Variants in CNOT6L observed in about 807,000 individuals in gnomAD.
CNOT6L encodes the protein CCR4-NOT transcription complex subunit 6-like.
Under a neutral mutation model 64.0 loss-of-function variants are expected in CNOT6L, and 7 were observed. That is an observed-to-expected ratio of 0.11 (90% CI 0.06 to 0.21). CNOT6L has a LOEUF of 0.21. Ranked by LOEUF, CNOT6L falls within the 10% of genes least tolerant of loss-of-function variation. The probability of loss-of-function intolerance (pLI) is 1.00; values close to 1 mark genes in which losing one functional copy is unlikely to be tolerated. For synonymous variants in CNOT6L, 193 were observed against 243.4 expected (o/e 0.79, Z 1.93); for missense variants, 245 against 669.0 (o/e 0.37, Z 6.99).
intron 11 of CNOT6L, among the ~76,000 whole-genome samples, chr4:77,723,485 T>G (rs1322102449): frequency 6.6e-6 from 1 of 152,176 alleles, no homozygotes; most frequent in East Asian, 1.9e-4. Context: ...CTGATTGCTT[T>G]CAATACTGGG....
intron 1 of CNOT6L, among the ~76,000 whole-genome samples, chr4:77,788,438 G>A (rs996292382): frequency 2.0e-5 from 3 of 152,074 alleles, no homozygotes; most frequent in Non-Finnish European, 2.9e-5. Flanking sequence ...TATAATAATA[G>A]GCAATTCGGC....
chr4:77,757,734 C>T (rs1002453456), intron 4 of CNOT6L, among the ~76,000 whole-genome samples: 36 of 152,286 alleles, frequency 2.4e-4, no homozygotes, highest in African/African-American at 8.2e-4. Context: ...CAGTCTCACT[C>T]TGTTGCCTGG....
chr4:77,815,982 C>T (rs1733527471), intron 1 of CNOT6L, among the ~76,000 whole-genome samples: 1 of 152,200 alleles, frequency 6.6e-6, no homozygotes, highest in Non-Finnish European at 1.5e-5. Context: ...CTCTGATTAG[C>T]ATTACCCAAA....
At chr4:77,731,348 G>T (rs763267757) in intron 9 of CNOT6L, 39 bp downstream of exon 9, 1 of 1,582,312 alleles carries the variant, frequency 6.3e-7, no homozygotes, top group South Asian at 1.1e-5. Flanking sequence ...ACTTGGGATG[G>T]TGTTTATTTT....
rs60358539 is a variant in CNOT6L at position 77,739,010 on chromosome 4, T to C, written c.872+3131A>G. On this transcript the variant is annotated intron_variant, in intron 8 of 11. Transcript: ENST00000504123. ...AAACAGGTGCTGCCAAATCCTGAAG[T>C]AGATTCTGAATCCCCCAAAACTAAA... Among the ~76,000 whole-genome samples, 88 of 152,308 alleles carry C rather than the reference T, an allele frequency of 5.8e-4. 1 individual carries two copies. The highest frequency in any genetic ancestry group is 2.0e-3 in the African/African-American group (84 of 41,576).
chr4:77,768,491 A>C (rs1727140231), intron 4 of CNOT6L, among the ~76,000 whole-genome samples: 1 of 4,282 alleles, frequency 2.3e-4, no homozygotes, highest in South Asian at 4.2e-3. Context: ...ATATATATAT[A>C]TATATATATA....
At chr4:77,750,375 A>G (rs1720897441) in intron 5 of CNOT6L, among the ~76,000 whole-genome samples, 1 of 151,776 alleles carries the variant, frequency 6.6e-6, no homozygotes, top group Admixed American at 6.6e-5. Context: ...TTTTTTTGAG[A>G]CAGTCTTGCT....
chr4:77,796,842 A>G (rs1430433034), intron 1 of CNOT6L, among the ~76,000 whole-genome samples: 2 of 152,110 alleles, frequency 1.3e-5, no homozygotes, highest in East Asian at 3.9e-4. Flanking sequence ...CCACTTTGGG[A>G]GGGCAAGGAA....
chr4:77,728,828 C>T, intron 10 of CNOT6L, 26 bp downstream of exon 10: 1 of 1,568,644 alleles, frequency 6.4e-7, no homozygotes, highest in Non-Finnish European at 8.8e-7. Flanking sequence ...AAATTGAAAG[C>T]AGTGAGGAAA....
intron 4 of CNOT6L, among the ~76,000 whole-genome samples, chr4:77,768,638 G>A (rs1727167450): frequency 6.6e-6 from 1 of 151,074 alleles, no homozygotes; most frequent in Admixed American, 6.6e-5. Flanking sequence ...TCATCAAATA[G>A]AAAATAGGCT....
At chr4:77,806,379 C>T (rs553720355) in intron 1 of CNOT6L, among the ~76,000 whole-genome samples, 2 of 151,634 alleles carry the variant, frequency 1.3e-5, no homozygotes, top group South Asian at 2.1e-4. Context: ...GAACCAAGAT[C>T]GTGCCACTGC....
Position 77,717,295 on chromosome 4 carries a change from T to C in CNOT6L, c.*3136A>G, listed in dbSNP as rs1190776080. ...AAAATGTGTAAAGCTATGAGGTGGA[T>C]ACTGATGCCTGAGAGAGTGGGTGAC... On this transcript the variant is annotated 3_prime_UTR_variant, in exon 12 of 12. Coordinates refer to ENST00000504123, the MANE Select transcript of CNOT6L (RefSeq NM_144571.3). 1 of 152,538 alleles carries C rather than the reference T, an allele frequency of 6.6e-6. No homozygotes were observed. Among genetic ancestry groups the C allele is most frequent in the Non-Finnish European group, 1.5e-5 (1 of 68,010 alleles). 9.4% of individuals were successfully genotyped at this position (152,538 alleles called of 1,614,324 possible). A position where few individuals can be genotyped will look rare whatever the true frequency, so the allele number is the denominator to read the frequency against.
intron 1 of CNOT6L, among the ~76,000 whole-genome samples, chr4:77,806,398 C>G (rs1333085638): frequency 6.6e-6 from 1 of 151,434 alleles, no homozygotes; most frequent in African/African-American, 2.4e-5. Flanking sequence ...GCACTCCAGC[C>G]TAGGCAACAA....
At chr4:77,796,108 T>C (rs1730813972) in intron 1 of CNOT6L, among the ~76,000 whole-genome samples, 1 of 152,130 alleles carries the variant, frequency 6.6e-6, no homozygotes, top group Non-Finnish European at 1.5e-5. Flanking sequence ...ATCACCCAGG[T>C]AGTAAGCATA....
At chr4:77,753,400 C>CT (rs1345301229) in intron 5 of CNOT6L, among the ~76,000 whole-genome samples, 4 of 152,088 alleles carry the variant, frequency 2.6e-5, no homozygotes, top group Non-Finnish European at 5.9e-5. Context: ...GCTGGGCGCA[C>CT]TGGCTCAAAC....
At chr4:77,795,332 A>G (rs1730713587) in intron 1 of CNOT6L, among the ~76,000 whole-genome samples, 2 of 152,122 alleles carry the variant, frequency 1.3e-5, no homozygotes, top group South Asian at 2.1e-4. Context: ...AAAATTTTTT[A>G]AAGTATCATT....
upstream of CNOT6L, among the ~76,000 whole-genome samples, chr4:77,820,188 T>C (rs1333664006): frequency 2.0e-5 from 3 of 152,098 alleles, no homozygotes; most frequent in African/African-American, 7.2e-5. Flanking sequence ...GTCCGGGCGA[T>C]ATCGGTATTG....
intron 4 of CNOT6L, among the ~76,000 whole-genome samples, chr4:77,757,521 A>C (rs1351099350): frequency 6.6e-6 from 1 of 152,208 alleles, no homozygotes; most frequent in Non-Finnish European, 1.5e-5. Context: ...ATCAAAGAAC[A>C]CACTATTGGT....
chr4:77,770,626 A>G (rs1179405587), intron 4 of CNOT6L, among the ~76,000 whole-genome samples: 1 of 152,230 alleles, frequency 6.6e-6, no homozygotes, highest in Admixed American at 6.5e-5. Flanking sequence ...CAACAAATTG[A>G]AATTTAATAA....
Sources: gnomAD v4.1 joint callset for allele counts (sites outside exome capture counted in the v4.1 genomes callset) on GRCh38, gnomAD v4.1.1 for gene constraint, MANE v1.5 for transcripts, NCBI Gene and HGNC (gene_info 2026-07-23, HGNC 2026-07-21) for gene names.